Variants in MAP3K20 observed in about 807,000 individuals in gnomAD.
MAP3K20 encodes mitogen-activated protein kinase kinase kinase 20, also known as HCCS-4.
In MAP3K20, 40 loss-of-function variants were observed where a neutral mutation model predicts 85.7. The observed-to-expected ratio is 0.47, with a 90% CI of 0.36 to 0.61. The LOEUF is 0.61. Among genes scored for constraint, MAP3K20 ranks in the 20% least tolerant of loss-of-function variants. The pLI is 0.00. For synonymous variants in MAP3K20, 325 were observed against 327.7 expected, an observed-to-expected ratio of 0.99 and a Z score of 0.09; for missense variants, 817 against 961.7, an observed-to-expected ratio of 0.85 and a Z score of 1.99.
chr2:173,259,204 T>G (rs934885801), intron 17 of MAP3K20, among the ~76,000 whole-genome samples: 4 of 152,190 alleles, frequency 2.6e-5, no homozygotes, highest in African/African-American at 9.7e-5. Flanking sequence ...TTGAGGTCAA[T>G]TTCCTGAAGG....
chr2:173,123,791 T>A (rs1216642782), intron 2 of MAP3K20, among the ~76,000 whole-genome samples: 1 of 150,902 alleles, frequency 6.6e-6, no homozygotes, highest in Non-Finnish European at 1.5e-5. Context: ...TTTTTTTTTA[T>A]TTCTGGAAAT....
chr2:173,202,039 A>G (rs1282594555), intron 8 of MAP3K20, among the ~76,000 whole-genome samples: 3 of 152,218 alleles, frequency 2.0e-5, no homozygotes, highest in Admixed American at 6.5e-5. Flanking sequence ...ACGAAAACTC[A>G]TTATTTTTAG....
At chr2:173,249,977 C>T (rs962505523) in intron 16 of MAP3K20, among the ~76,000 whole-genome samples, 1 of 152,152 alleles carries the variant, frequency 6.6e-6, no homozygotes, top group Admixed American at 6.5e-5. Flanking sequence ...AATATAACAA[C>T]CTTATCTCCA....
At chr2:173,148,116 A>G (rs1191156675) in intron 2 of MAP3K20, among the ~76,000 whole-genome samples, 1 of 152,130 alleles carries the variant, frequency 6.6e-6, no homozygotes. Flanking sequence ...TTAATCCTAC[A>G]AGATGGAAGG....
At chr2:173,137,180 T>C (rs3754745) in intron 2 of MAP3K20, among the ~76,000 whole-genome samples, 61,106 of 152,050 alleles carry the variant, frequency 0.4, 13,105 homozygotes, top group African/African-American at 0.53. Context: ...TTAAGCTCTT[T>C]AATCTGTTTA....
intron 2 of MAP3K20, among the ~76,000 whole-genome samples, chr2:173,130,292 A>G (rs547404279): frequency 2.6e-5 from 4 of 152,338 alleles, no homozygotes; most frequent in African/African-American, 7.2e-5. Context: ...CTAGACCCAT[A>G]TTTACTGACA....
chr2:173,198,264 A>G lies in MAP3K20; in HGVS notation c.669+152A>G, dbSNP rs890400077. On this transcript the variant is annotated intron_variant, in intron 8 of 19. Coordinates refer to ENST00000375213, the MANE Select transcript of MAP3K20 (RefSeq NM_016653.3). The surrounding 1 kb of genome is among the most constrained non-coding windows in gnomAD (Gnocchi z 5.8). Reference sequence around the variant, plus strand: ...TAACACAAAGGGTCAAAGTGATGTTATTCCTCATGAATGGACCCTTTACAT... The same window carrying G: ...TAACACAAAGGGTCAAAGTGATGTTGTTCCTCATGAATGGACCCTTTACAT... 1.6e-6 allele frequency: 1 copy of G among 607,696 alleles called. No individual in the cohort carries two copies. The highest frequency in any genetic ancestry group is 1.9e-5 in the African/African-American group (1 of 53,610). The allele number at this position is 607,696 out of a possible 1,614,324, so 37.6% of individuals were successfully genotyped here. A position where few individuals can be genotyped will look rare whatever the true frequency, so the allele number is the denominator to read the frequency against.
intron 16 of MAP3K20, among the ~76,000 whole-genome samples, chr2:173,243,039 A>G (rs1160087028): frequency 1.3e-5 from 2 of 152,124 alleles, no homozygotes. Context: ...TTTGGCAGGC[A>G]TTTACTGAGG....
Position 173,134,407 on chromosome 2 carries a change from TATATA to T in MAP3K20, c.160-35397_160-35393del, listed in dbSNP as rs1559245943. ...GTGTCTCTATACATATATATATATA[TATATA>T]TATATATATATATATATTTTTTTTT... On this transcript the variant is annotated intron_variant, in intron 2 of 19. Transcript: ENST00000375213. Among the ~76,000 whole-genome samples, 57 of 10,454 alleles carry T rather than the reference TATATA, an allele frequency of 5.5e-3. 3 individuals are homozygous for T. The highest frequency in any genetic ancestry group is 0.012 in the Non-Finnish European group (52 of 4,250). The allele number at this position is 10,454 out of a possible 152,430, so 6.9% of individuals were successfully genotyped here. A position where few individuals can be genotyped will look rare whatever the true frequency, so the allele number is the denominator to read the frequency against.
intron 1 of MAP3K20, among the ~76,000 whole-genome samples, chr2:173,085,750 C>A (rs77322262): frequency 0.021 from 2,955 of 138,088 alleles, 52 homozygotes; most frequent in Admixed American, 0.043. Flanking sequence ...AGCATTGTTG[C>A]GTGGAGCAAA....
At chr2:173,203,338 G>A (rs1304166281) in intron 8 of MAP3K20, among the ~76,000 whole-genome samples, 2 of 152,122 alleles carry the variant, frequency 1.3e-5, no homozygotes, top group African/African-American at 4.8e-5. Context: ...GAAATGTAGA[G>A]TTTTTAAAAT....
chr2:173,211,411 C>T (rs938585770), intron 10 of MAP3K20: 2 of 152,270 alleles, frequency 1.3e-5, no homozygotes, highest in Non-Finnish European at 2.9e-5. Context: ...TTTTCAGGAT[C>T]TTTACAAGCA....
chr2:173,094,853 T>C (rs115057240), intron 2 of MAP3K20, among the ~76,000 whole-genome samples: 2,371 of 152,334 alleles, frequency 0.016, 59 homozygotes, highest in African/African-American at 0.054. Context: ...TACAAGAAAA[T>C]ACCTATTTTT....
intron 2 of MAP3K20, among the ~76,000 whole-genome samples, chr2:173,102,618 G>A (rs980454731): frequency 1.3e-5 from 2 of 152,166 alleles, no homozygotes; most frequent in Non-Finnish European, 2.9e-5. Context: ...GCAGAATTAG[G>A]TGCATTAGAG....
At chr2:173,210,007 TAAGC>T (rs1295262267) in intron 10 of MAP3K20, 172 bp downstream of exon 10, 6 of 613,004 alleles carry the variant, frequency 9.8e-6, no homozygotes, top group Non-Finnish European at 1.7e-5. Context: ...CTGCATTTCA[TAAGC>T]AAGAAATAGT....
intron 11 of MAP3K20, chr2:173,226,625 T>G: frequency 1.0e-6 from 1 of 985,866 alleles, no homozygotes; most frequent in Middle Eastern, 5.2e-4. Context: ...CACCTTTGTT[T>G]GCACTCTGTT....
At chr2:173,259,108 G>A (rs111967875) in intron 17 of MAP3K20, among the ~76,000 whole-genome samples, 33 of 152,150 alleles carry the variant, frequency 2.2e-4, no homozygotes, top group African/African-American at 8.0e-4. Flanking sequence ...TATTAAAGGA[G>A]GGAAAATGTG....
At chr2:173,123,532 A>G (rs1169508087) in intron 2 of MAP3K20, among the ~76,000 whole-genome samples, 1 of 152,212 alleles carries the variant, frequency 6.6e-6, no homozygotes, top group Non-Finnish European at 1.5e-5. Context: ...GAGGCTACTC[A>G]GCAAAAGTTT....
intron 2 of MAP3K20, among the ~76,000 whole-genome samples, chr2:173,169,352 T>A (rs534583485): frequency 6.6e-6 from 1 of 152,306 alleles, no homozygotes; most frequent in Non-Finnish European, 1.5e-5. Context: ...TAGAAATGTT[T>A]CAACTTTCAA....
Sources: gnomAD v4.1 joint callset for allele counts (sites outside exome capture counted in the v4.1 genomes callset) on GRCh38, gnomAD v4.1.1 for gene constraint, Gnocchi (gnomAD v3.1) non-coding constraint, MANE v1.5 for transcripts, NCBI Gene and HGNC (gene_info 2026-07-23, HGNC 2026-07-21) for gene names.